FGGY: variants seen among roughly 807,000 people sequenced by gnomAD.
FGGY encodes the protein FGGY carbohydrate kinase domain-containing protein.
FGGY carries 72 observed loss-of-function variants against 71.3 expected under a neutral mutation model. That is an observed-to-expected ratio of 1.01 (90% CI 0.84 to 1.23). The LOEUF (loss-of-function observed/expected upper bound fraction) is 1.23. Among genes scored for constraint, FGGY ranks in the 50% most tolerant of loss-of-function variants. The pLI is 0.00. For synonymous variants in FGGY, 251 were observed against 250.3 expected (o/e 1.00, Z -0.02); for missense variants, 668 against 682.3 (o/e 0.98, Z 0.23).
At chr1:59,730,237 G>A (rs1173499203) in intron 14 of FGGY, among the ~76,000 whole-genome samples, 1 of 151,968 alleles carries the variant, frequency 6.6e-6, no homozygotes, top group East Asian at 1.9e-4. Flanking sequence ...AGATTTCAGG[G>A]TGATAGTTTG....
chr1:59,474,661 A>G (rs747855888), intron 6 of FGGY, among the ~76,000 whole-genome samples: 5 of 152,256 alleles, frequency 3.3e-5, no homozygotes, highest in Admixed American at 6.5e-5. Flanking sequence ...ATCTTCAGTC[A>G]TGCAAATGTA....
chr1:59,415,664 T>A (rs1361829630), intron 5 of FGGY, among the ~76,000 whole-genome samples: 1 of 152,234 alleles, frequency 6.6e-6, no homozygotes, highest in Non-Finnish European at 1.5e-5. Flanking sequence ...CTAGCAGTTA[T>A]CACACTGTTT....
intron 8 of FGGY, among the ~76,000 whole-genome samples, chr1:59,566,530 C>A (rs972878555): frequency 6.6e-6 from 1 of 151,872 alleles, no homozygotes; most frequent in African/African-American, 2.4e-5. Flanking sequence ...TCAGAAGAAC[C>A]AATGGGAAGC....
chr1:59,669,877 G>GTA (rs1337390621), intron 13 of FGGY, among the ~76,000 whole-genome samples: 2 of 152,206 alleles, frequency 1.3e-5, no homozygotes, highest in Non-Finnish European at 1.5e-5. Context: ...TTGTGAAAAT[G>GTA]GGTCATCTTC....
At chr1:59,302,772 A>T (rs956959576) in intron 1 of FGGY, among the ~76,000 whole-genome samples, 1 of 152,194 alleles carries the variant, frequency 6.6e-6, no homozygotes, top group Non-Finnish European at 1.5e-5. Flanking sequence ...ATTGAACTTT[A>T]TTCAGTTTGT....
chr1:59,640,842 T>C (rs1005452867), intron 11 of FGGY, among the ~76,000 whole-genome samples: 1 of 151,126 alleles, frequency 6.6e-6, no homozygotes, highest in African/African-American at 2.5e-5. Context: ...ATTATGAGAC[T>C]GTTTATTCAT....
At chr1:59,733,807 G>C (rs958431598) in intron 14 of FGGY, among the ~76,000 whole-genome samples, 16 of 152,156 alleles carry the variant, frequency 1.1e-4, no homozygotes, top group Non-Finnish European at 4.4e-5. Context: ...CCCTAAGTGG[G>C]CCACATGCCT....
Position 59,747,941 on chromosome 1 carries a change from T to C in FGGY, c.1513-9990T>C, listed in dbSNP as rs189700688. Among the ~76,000 whole-genome samples, 132 of 152,308 alleles carry C rather than the reference T, an allele frequency of 8.7e-4. 1 individual carries two copies. The highest frequency in any genetic ancestry group is 3.0e-3 in the African/African-American group (126 of 41,554). ...TCTTATTCATGAGCTAAAGCAAGTTTCAAATCCTGGCTTAGCCCTTTACTA... is the reference window on the plus strand; with the variant it reads ...TCTTATTCATGAGCTAAAGCAAGTTCCAAATCCTGGCTTAGCCCTTTACTA... On this transcript the variant is annotated intron_variant, in intron 14 of 15. Transcript: ENST00000303721.
chr1:59,585,403 G>A (rs991537792), intron 8 of FGGY, among the ~76,000 whole-genome samples: 2 of 152,116 alleles, frequency 1.3e-5, no homozygotes, highest in African/African-American at 4.8e-5. Context: ...AAACCTGACA[G>A]AAACAAGAAA....
intron 5 of FGGY, among the ~76,000 whole-genome samples, chr1:59,389,433 TG>T (rs2060447847): frequency 6.6e-6 from 1 of 152,240 alleles, no homozygotes; most frequent in Admixed American, 6.5e-5. Flanking sequence ...CACATCCTAT[TG>T]TGTGCATATA....
At chr1:59,678,063 G>A (rs192611573) in intron 14 of FGGY, among the ~76,000 whole-genome samples, 4 of 152,292 alleles carry the variant, frequency 2.6e-5, no homozygotes, top group Admixed American at 1.3e-4. Context: ...TTTCAAAACT[G>A]TGTCTTTACT....
At chr1:59,552,106 G>C (rs1315112447) in intron 7 of FGGY, among the ~76,000 whole-genome samples, 1 of 152,192 alleles carries the variant, frequency 6.6e-6, no homozygotes, top group Non-Finnish European at 1.5e-5. Flanking sequence ...AGGGAGGAGG[G>C]AGGTGGTGTT....
chr1:59,324,270 T>G (rs939569328), intron 2 of FGGY, among the ~76,000 whole-genome samples: 1 of 119,308 alleles, frequency 8.4e-6, no homozygotes, highest in African/African-American at 3.6e-5. Context: ...TAACTACTTT[T>G]TTTTTTTTTT....
chr1:59,421,259 A>G (rs1472839770), intron 5 of FGGY, among the ~76,000 whole-genome samples: 1 of 152,222 alleles, frequency 6.6e-6, no homozygotes, highest in East Asian at 1.9e-4. Flanking sequence ...AAGAAAAGTA[A>G]AACATAGGAG....
chr1:59,456,826 G>T, intron 5 of FGGY, 135 bp from the exon 6 acceptor site: 1 of 591,480 alleles, frequency 1.7e-6, no homozygotes, highest in Non-Finnish European at 3.0e-6. Context: ...ACCTAAGCAG[G>T]GATGTGTCAT....
intron 9 of FGGY, among the ~76,000 whole-genome samples, chr1:59,622,669 C>T (rs2096821804): frequency 6.6e-6 from 1 of 152,124 alleles, no homozygotes; most frequent in Non-Finnish European, 1.5e-5. Context: ...TCTGACATCC[C>T]CTCCACAACT....
At chr1:59,377,478 G>A (rs909604304) in intron 4 of FGGY, among the ~76,000 whole-genome samples, 6 of 152,068 alleles carry the variant, frequency 3.9e-5, no homozygotes, top group Non-Finnish European at 8.8e-5. Flanking sequence ...GAACTCACTC[G>A]CTATCATGAG....
intron 5 of FGGY, among the ~76,000 whole-genome samples, chr1:59,431,891 C>T (rs1472066766): frequency 6.6e-6 from 1 of 152,134 alleles, no homozygotes; most frequent in Non-Finnish European, 1.5e-5. Flanking sequence ...CTTGGGGTTT[C>T]CTAAGCGATA....
At chr1:59,365,471 A>G (rs1304955011) in intron 4 of FGGY, among the ~76,000 whole-genome samples, 2 of 152,134 alleles carry the variant, frequency 1.3e-5, no homozygotes, top group Admixed American at 1.3e-4. Context: ...CATAGATGGT[A>G]CCACCCACAA....
Sources: gnomAD v4.1 joint callset for allele counts (sites outside exome capture counted in the v4.1 genomes callset) on GRCh38, gnomAD v4.1.1 for gene constraint, MANE v1.5 for transcripts, NCBI Gene and HGNC (gene_info 2026-07-23, HGNC 2026-07-21) for gene names.